The following PPP1R16B variants were observed in gnomAD, a reference collection of about 807,000 sequenced individuals.
PPP1R16B encodes protein phosphatase 1 regulatory subunit 16B, also known as protein phosphatase 1 regulatory inhibitor subunit 16B.
Under a neutral mutation model 61.7 loss-of-function variants are expected in PPP1R16B, and 14 were observed. The ratio of observed to expected loss-of-function variants is 0.23; its 90% CI spans 0.15 to 0.35. The LOEUF (loss-of-function observed/expected upper bound fraction) is 0.35, where lower values mean the gene tolerates loss of function less well. Among genes scored for constraint, PPP1R16B ranks in the 10% least tolerant of loss-of-function variants. The pLI is 1.00. For synonymous variants in PPP1R16B, 266 were observed against 305.3 expected (o/e 0.87, Z 1.34); for missense variants, 547 against 752.5 (o/e 0.73, Z 3.19).
chr20:38,813,761 CATCATCATT>C (rs1568650571), intron 1 of PPP1R16B, among the ~76,000 whole-genome samples: 5 of 131,862 alleles, frequency 3.8e-5, no homozygotes, highest in African/African-American at 1.2e-4. Flanking sequence ...ACATCATCAT[CATCATCATT>C]ATTATTATTA....
intron 4 of PPP1R16B, 97 bp from the exon 5 acceptor site, chr20:38,900,484 G>A (rs574853463): frequency 7.8e-6 from 7 of 896,950 alleles, no homozygotes; most frequent in Non-Finnish European, 1.0e-5. Flanking sequence ...GTGCCGGGTT[G>A]TACAGTAGGA....
chr20:38,883,959 G>C (rs1199372619), intron 2 of PPP1R16B, among the ~76,000 whole-genome samples: 2 of 152,230 alleles, frequency 1.3e-5, no homozygotes, highest in Non-Finnish European at 2.9e-5. Flanking sequence ...AAATGCATGA[G>C]AATAAATGGG....
chr20:38,836,252 G>C, intron 2 of PPP1R16B, 77 bp downstream of exon 2: 3 of 1,534,510 alleles, frequency 2.0e-6, no homozygotes, highest in Non-Finnish European at 2.6e-6. Context: ...GTTCTGTGCA[G>C]TAGACGTGTG....
intron 2 of PPP1R16B, among the ~76,000 whole-genome samples, chr20:38,847,101 G>A (rs368449878): frequency 3.3e-5 from 5 of 152,262 alleles, no homozygotes; most frequent in African/African-American, 9.6e-5. Flanking sequence ...TTGAGGTCTC[G>A]ATATAAACCA....
chr20:38,908,324 A>AAAC (rs1203574769), intron 10 of PPP1R16B, 131 bp downstream of exon 10: 12 of 1,128,296 alleles, frequency 1.1e-5, no homozygotes, highest in Non-Finnish European at 1.5e-5. Context: ...AAACTAGCAT[A>AAAC]TCCAGTCTGA....
chr20:38,807,647 C>A (rs1172740575), intron 1 of PPP1R16B, among the ~76,000 whole-genome samples: 1 of 152,198 alleles, frequency 6.6e-6, no homozygotes, highest in Admixed American at 6.5e-5. Context: ...CCACCTGTCA[C>A]CCAAATCCCA....
intron 2 of PPP1R16B, among the ~76,000 whole-genome samples, chr20:38,880,127 G>A (rs151042975): frequency 9.9e-5 from 15 of 152,252 alleles, no homozygotes; most frequent in African/African-American, 3.1e-4. Flanking sequence ...GGAGCAGCAC[G>A]GTAGCCAAAA....
At chr20:38,896,750 C>T (rs1031971299) in intron 4 of PPP1R16B, among the ~76,000 whole-genome samples, 3 of 152,206 alleles carry the variant, frequency 2.0e-5, no homozygotes, top group African/African-American at 7.2e-5. Flanking sequence ...ACTCTGTACC[C>T]ATCAAACAGT....
intron 3 of PPP1R16B, among the ~76,000 whole-genome samples, chr20:38,893,147 T>C (rs536015658): frequency 1.3e-5 from 2 of 152,334 alleles, no homozygotes; most frequent in East Asian, 1.9e-4. Context: ...AGGCAATGCA[T>C]GGCCAAAGCT....
At chr20:38,909,929 TTTGTGA>T (rs1390924709) in intron 10 of PPP1R16B, among the ~76,000 whole-genome samples, 2 of 152,224 alleles carry the variant, frequency 1.3e-5, no homozygotes, top group Non-Finnish European at 2.9e-5. Flanking sequence ...TTATTTTTCC[TTTGTGA>T]TTGTGGTGTA....
chr20:38,909,508 G>A (rs535737461), intron 10 of PPP1R16B, among the ~76,000 whole-genome samples: 1 of 152,376 alleles, frequency 6.6e-6, no homozygotes, highest in East Asian at 1.9e-4. Context: ...TTCTTGCTGA[G>A]TGGAGTGAAC....
chr20:38,915,534 G>A (rs528584064), intron 10 of PPP1R16B, among the ~76,000 whole-genome samples: 7 of 152,164 alleles, frequency 4.6e-5, no homozygotes, highest in Non-Finnish European at 8.8e-5. Flanking sequence ...TGCCCAGGCT[G>A]GAGTGCAGTT....
Position 38,922,485 on chromosome 20 carries a change from A to G in PPP1R16B, c.*3819A>G, listed in dbSNP as rs2085607145. 6.6e-6 allele frequency: 1 copy of G among 152,598 alleles called. No individual in the cohort carries two copies. Among genetic ancestry groups the G allele is most frequent in the South Asian group, 2.1e-4 (1 of 4,834 alleles). The allele number at this position is 152,598 out of a possible 1,614,324, so 9.5% of individuals were successfully genotyped here. A position where few individuals can be genotyped will look rare whatever the true frequency, so the allele number is the denominator to read the frequency against. ...AGGGCACATAAGAGCAAAGGCTCCA[A>G]TGGTCAGTGGATGACTCTGCAAAAG... On this transcript the variant is annotated 3_prime_UTR_variant, in exon 11 of 11. Coordinates refer to ENST00000299824, the MANE Select transcript of PPP1R16B (RefSeq NM_015568.4).
At chr20:38,894,885 C>T (rs2085322765) in intron 3 of PPP1R16B, among the ~76,000 whole-genome samples, 1 of 152,200 alleles carries the variant, frequency 6.6e-6, no homozygotes, top group Non-Finnish European at 1.5e-5. Context: ...ACTGGGGCTG[C>T]CCCACGTGCC....
rs2085590694 is a variant in PPP1R16B, at chr20:38,920,861, A to ATT, written c.*2196_*2197dup. 6.6e-6 allele frequency: 1 copy of ATT among 152,198 alleles called. No homozygotes were observed. The highest frequency in any genetic ancestry group is 2.1e-4 in the South Asian group (1 of 4,834). The allele number at this position is 152,198 out of a possible 1,614,324, so 9.4% of individuals were successfully genotyped here. ...CAGGATGATCTAAAACACACGTACC[A>ATT]TTGGCTGTAAAACAGTATGAGCCCA... On this transcript the variant is annotated 3_prime_UTR_variant, in exon 11 of 11. Coordinates refer to ENST00000299824, the MANE Select transcript of PPP1R16B (RefSeq NM_015568.4).
chr20:38,899,694 A>G (rs2085376504), intron 4 of PPP1R16B, among the ~76,000 whole-genome samples: 1 of 152,186 alleles, frequency 6.6e-6, no homozygotes, highest in East Asian at 1.9e-4. Flanking sequence ...GAAATAGAAC[A>G]TGGAGAAGTA....
Position 38,855,057 on chromosome 20 carries a change from C to G in PPP1R16B, c.250+18882C>G, listed in dbSNP as rs149952010. On this transcript the variant is annotated intron_variant, in intron 2 of 10. Coordinates refer to ENST00000299824, the MANE Select transcript of PPP1R16B (RefSeq NM_015568.4). ...AGTGGGAAGTGAAAGGCTTTGGCCA[C>G]CCCTCATAATATATGACTTAAAGCC... 5.0e-4 allele frequency among the ~76,000 whole-genome samples: 76 copies of G among 152,210 alleles called. 1 individual carries two copies. In the East Asian group the frequency reaches 0.013, roughly 26 times the overall value.
chr20:38,813,432 G>A (rs2084714168), intron 1 of PPP1R16B, among the ~76,000 whole-genome samples: 1 of 152,190 alleles, frequency 6.6e-6, no homozygotes, highest in Non-Finnish European at 1.5e-5. Context: ...AGTGTGCCAG[G>A]TGATTCTGAT....
chr20:38,904,796 G>A (rs1425265008), intron 6 of PPP1R16B, among the ~76,000 whole-genome samples: 3 of 152,168 alleles, frequency 2.0e-5, no homozygotes, highest in Non-Finnish European at 4.4e-5. Flanking sequence ...TCAGGCCCCC[G>A]AGGTTCTCTG....
Sources: allele counts gnomAD v4.1 joint callset (sites outside exome capture counted in the v4.1 genomes callset), GRCh38; gene constraint gnomAD v4.1.1; transcripts MANE v1.5; gene names NCBI Gene and HGNC (gene_info 2026-07-23, HGNC 2026-07-21).